WDR35: variants seen among roughly 807,000 people sequenced by gnomAD.
The protein encoded by WDR35 is WD repeat-containing protein 35.
In WDR35, 118 loss-of-function variants were observed where a neutral mutation model predicts 158.3. That is an observed-to-expected ratio of 0.75 (90% confidence interval 0.64 to 0.87). The LOEUF (loss-of-function observed/expected upper bound fraction) is 0.87. WDR35 is among the 40% of genes least tolerant of loss of function. WDR35 has a pLI of 0.00. For missense variants in WDR35, 1,263 were observed against 1,405.8 expected, an observed-to-expected ratio of 0.90 and a Z score of 1.62; for synonymous variants, 448 against 476.1, an observed-to-expected ratio of 0.94 and a Z score of 0.77.
intron 8 of WDR35, among the ~76,000 whole-genome samples, chr2:19,971,828 C>T (rs1672044942): frequency 6.6e-6 from 1 of 152,188 alleles, no homozygotes; most frequent in African/African-American, 2.4e-5. Context: ...GAAAGAAAAC[C>T]ACCTTTTAGT....
In WDR35 at chr2:19,969,524, C is replaced by T. The variant is rs753983503; in HGVS notation, c.964G>A (p.Val322Ile). 11 of 1,613,756 alleles carry T rather than the reference C, an allele frequency of 6.8e-6. No homozygotes were observed. Among genetic ancestry groups the T allele is most frequent in the Non-Finnish European group, 9.3e-6 (11 of 1,179,800 alleles). Reference protein sequence around the residue: ...EGGGLKIALAVDSFIYFANIR... With the variant: ...EGGGLKIALAIDSFIYFANIR... ...TTTGCAAAATATATAAAGGAATCAA[C>T]AGCTAGTGCAATTTTCAGTCCACCT... The change falls in exon 9 of 27, where the codon GTT becomes ATT. Residue 322 changes from valine to isoleucine, a missense_variant. By Grantham distance (29) the Val-to-Ile change is conservative (BLOSUM62 3). Coordinates refer to ENST00000281405, the MANE Select transcript of WDR35 (RefSeq NM_020779.4).
intron 25 of WDR35, among the ~76,000 whole-genome samples, chr2:19,929,113 G>A (rs910386760): frequency 2.6e-5 from 4 of 152,134 alleles, no homozygotes; most frequent in Non-Finnish European, 4.4e-5. Flanking sequence ...GGCTGAGGAA[G>A]ATACTATTAT....
chr2:19,935,423 T>G, intron 21 of WDR35, 48 bp downstream of exon 21: 1 of 1,603,328 alleles, frequency 6.2e-7, no homozygotes, highest in Non-Finnish European at 8.5e-7. Flanking sequence ...ACATAAAATT[T>G]TATAAAGTAA....
chr2:19,922,635 G>A lies in WDR35; in HGVS notation c.3121+7761C>T, dbSNP rs192196630. ...TAATGTAGATGACGGGTTGATGGGT[G>A]CAGCAAACCACCAACGCATGTGTAT... On this transcript the variant is annotated intron_variant, in intron 25 of 26. Transcript: ENST00000281405. 5.3e-5 allele frequency among the ~76,000 whole-genome samples: 8 copies of A among 152,222 alleles called. No homozygotes were observed. The East Asian group carries it at 1.5e-3, about 29-fold the overall frequency.
chr2:19,978,703 C>T (rs1181075581), intron 5 of WDR35, 48 bp downstream of exon 5: 2 of 1,612,046 alleles, frequency 1.2e-6, no homozygotes, highest in Non-Finnish European at 1.7e-6. Context: ...AAGAAGAAAA[C>T]TGTCAGCCAG....
In WDR35 at chr2:19,969,460, C is replaced by G; in HGVS notation, c.1008+20G>C. ...TTAGTAAGAAACACTGTTTATTTTA[C>G]AACTGCTCTTAATATTTACCTTATA... On this transcript the variant is annotated intron_variant, in intron 9 of 26. Coordinates refer to ENST00000281405, the MANE Select transcript of WDR35 (RefSeq NM_020779.4). 1.9e-6 allele frequency: 3 copies of G among 1,602,024 alleles called. No homozygotes were observed. The highest frequency in any genetic ancestry group is 2.6e-6 in the Non-Finnish European group (3 of 1,171,276).
intron 4 of WDR35, among the ~76,000 whole-genome samples, chr2:19,980,242 A>C (rs1398148437): frequency 1.3e-5 from 2 of 152,200 alleles, no homozygotes; most frequent in East Asian, 3.9e-4. Context: ...GCTATGTATT[A>C]TAAAAGGTTC....
intron 8 of WDR35, among the ~76,000 whole-genome samples, chr2:19,970,796 T>C (rs1180131995): frequency 6.6e-6 from 1 of 152,160 alleles, no homozygotes; most frequent in Non-Finnish European, 1.5e-5. Flanking sequence ...TCCCCTATCC[T>C]TACTGGTCCT....
At chr2:19,939,701 G>T (rs544437959) in intron 17 of WDR35, among the ~76,000 whole-genome samples, 6 of 151,162 alleles carry the variant, frequency 4.0e-5, no homozygotes, top group Admixed American at 3.3e-4. Context: ...GGGATTTAGG[G>T]TTTTTTTTTA....
chr2:19,949,378 C>T (rs1671163487), intron 13 of WDR35, among the ~76,000 whole-genome samples: 1 of 151,986 alleles, frequency 6.6e-6, no homozygotes, highest in Non-Finnish European at 1.5e-5. Context: ...CTATATGTAA[C>T]ATGATTAGAT....
chr2:19,989,843 G>A, intron 1 of WDR35, 149 bp downstream of exon 1: 1 of 1,326,352 alleles, frequency 7.5e-7, no homozygotes, highest in South Asian at 1.3e-5. Flanking sequence ...GAAGAGGTCG[G>A]AGGCTGGACC....
chr2:19,939,590 A>G (rs1276809834), intron 17 of WDR35, among the ~76,000 whole-genome samples: 1 of 152,184 alleles, frequency 6.6e-6, no homozygotes, highest in African/African-American at 2.4e-5. Flanking sequence ...ACTTCTGTTC[A>G]TCTATCTAAA....
chr2:19,984,028 TATATATATATATAC>T (rs1471910134), intron 2 of WDR35, among the ~76,000 whole-genome samples: 49 of 16,554 alleles, frequency 3.0e-3, no homozygotes, highest in African/African-American at 0.012. Flanking sequence ...TATATATATA[TATATATATATATAC>T]ATATATACAC....
chr2:19,911,839 G>A lies in WDR35; in HGVS notation c.*1719C>T, dbSNP rs1181981926. 1 of 152,188 alleles carries A rather than the reference G, an allele frequency of 6.6e-6. No homozygotes were observed. The highest frequency in any genetic ancestry group is 6.5e-5 in the Admixed American group (1 of 15,276). 9.4% of individuals were successfully genotyped at this position (152,188 alleles called of 1,614,324 possible). ...GAAGTTGATTCAATTACCCACTGGT[G>A]ACACTCATTCTGGCCTGTCCTTACC... On this transcript the variant is annotated 3_prime_UTR_variant, in exon 27 of 27. Transcript: ENST00000281405.
intron 11 of WDR35, among the ~76,000 whole-genome samples, chr2:19,954,984 A>T (rs961522546): frequency 6.6e-6 from 1 of 152,006 alleles, no homozygotes; most frequent in African/African-American, 2.4e-5. Context: ...TCAGAGTCTC[A>T]CTCTGTCGCC....
At chr2:19,938,790 C>A (rs1670780628) in intron 17 of WDR35, among the ~76,000 whole-genome samples, 1 of 152,182 alleles carries the variant, frequency 6.6e-6, no homozygotes, top group African/African-American at 2.4e-5. Flanking sequence ...CATCTCAGAA[C>A]TGACCTAATG....
intron 8 of WDR35, among the ~76,000 whole-genome samples, chr2:19,970,771 T>G (rs1672013887): frequency 6.6e-6 from 1 of 152,178 alleles, no homozygotes; most frequent in Non-Finnish European, 1.5e-5. Flanking sequence ...AATCCCCCTC[T>G]TCTTTCCTCA....
chr2:19,933,626 T>C (rs1212070044), intron 21 of WDR35, 115 bp from the exon 22 acceptor site: 2 of 904,124 alleles, frequency 2.2e-6, no homozygotes, highest in Non-Finnish European at 1.7e-6. Flanking sequence ...TAGTTACAGA[T>C]TTTTCTTGTA....
intron 9 of WDR35, among the ~76,000 whole-genome samples, chr2:19,968,605 T>A (rs1290206134): frequency 6.6e-6 from 1 of 152,224 alleles, no homozygotes; most frequent in Non-Finnish European, 1.5e-5. Context: ...CCCATCCTTT[T>A]GTTGTCTGAG....
Sources: allele counts gnomAD v4.1 joint callset (sites outside exome capture counted in the v4.1 genomes callset), GRCh38; gene constraint gnomAD v4.1.1; transcripts MANE v1.5; gene names NCBI Gene and HGNC (gene_info 2026-07-23, HGNC 2026-07-21).